STAB2: variants seen among roughly 807,000 people sequenced by gnomAD.
STAB2 encodes stabilin-2.
STAB2 carries 288 observed loss-of-function variants against 338.1 expected under a neutral mutation model. The ratio of observed to expected loss-of-function variants is 0.85; its 90% confidence interval spans 0.77 to 0.94. The LOEUF (loss-of-function observed/expected upper bound fraction) is 0.94, where lower values mean the gene tolerates loss of function less well. STAB2 is among the 40% of genes least tolerant of loss of function. The pLI, the probability that STAB2 is intolerant of heterozygous loss-of-function variation, is 0.00. For synonymous variants in STAB2, 1,202 were observed against 1,193.3 expected (o/e 1.01, Z -0.15); for missense variants, 3,141 against 3,210.1 (o/e 0.98, Z 0.52).
At chr12:103,716,972 C>G (rs146247232) in intron 43 of STAB2, among the ~76,000 whole-genome samples, 1 of 152,126 alleles carries the variant, frequency 6.6e-6, no homozygotes, top group Admixed American at 6.5e-5. Flanking sequence ...GGAAGAGAAA[C>G]GGGAAAACCT....
chr12:103,761,332 T>G lies in STAB2; in HGVS notation c.7281T>G (p.Ile2427Met). 1.2e-6 allele frequency: 2 copies of G among 1,614,072 alleles called. No individual in the cohort carries two copies. The highest frequency in any genetic ancestry group is 2.2e-5 in the South Asian group (2 of 91,066). The change falls in exon 66 of 69, where the codon ATT (isoleucine) becomes ATG (methionine). Residue 2427 changes from isoleucine (I) to methionine (M), a missense_variant. Physicochemically the swap from Ile to Met is conservative, Grantham distance 10. Coordinates refer to ENST00000388887, the MANE Select transcript of STAB2 (RefSeq NM_017564.10). ...TETRFVDGRA[I>M]LQWDIFASNG... Reference sequence around the variant, plus strand: ...CCAGGTTTGTTGATGGAAGAGCCATTCTGCAGTGGGACATCTTTGCCTCCA... The same window carrying G: ...CCAGGTTTGTTGATGGAAGAGCCATGCTGCAGTGGGACATCTTTGCCTCCA...
intron 45 of STAB2, among the ~76,000 whole-genome samples, chr12:103,725,830 T>A (rs1038366657): frequency 4.6e-5 from 7 of 152,264 alleles, no homozygotes; most frequent in South Asian, 2.1e-4. Flanking sequence ...TGATTTTTTT[T>A]AAATATTTGA....
At chr12:103,731,284 CAT>C (rs1432832891) in intron 49 of STAB2, among the ~76,000 whole-genome samples, 6 of 152,140 alleles carry the variant, frequency 3.9e-5, no homozygotes, top group Non-Finnish European at 8.8e-5. Flanking sequence ...GCTGCCACCT[CAT>C]ATTATTTCTT....
chr12:103,611,913 C>T (rs1483614599), intron 3 of STAB2, among the ~76,000 whole-genome samples: 2 of 152,150 alleles, frequency 1.3e-5, no homozygotes, highest in Non-Finnish European at 2.9e-5. Flanking sequence ...ATTTGCTTGT[C>T]TGTAAAGGAT....
chr12:103,638,286 C>T (rs1029274936), intron 8 of STAB2, 74 bp downstream of exon 8: 2 of 1,477,258 alleles, frequency 1.4e-6, no homozygotes, highest in Non-Finnish European at 1.8e-6. Context: ...TATCATTTGT[C>T]TTCTATGCCA....
intron 63 of STAB2, 134 bp from the exon 64 acceptor site, chr12:103,758,036 G>A: frequency 7.5e-7 from 1 of 1,326,974 alleles, no homozygotes; most frequent in Admixed American, 2.2e-5. Context: ...AGAAGACACA[G>A]CAAAGGAGCA....
chr12:103,742,105 A>T (rs1289786660), intron 55 of STAB2, among the ~76,000 whole-genome samples: 1 of 152,116 alleles, frequency 6.6e-6, no homozygotes, highest in African/African-American at 2.4e-5. Flanking sequence ...CATCATTTAG[A>T]TCTAAGAAAA....
rs199919399 is a variant in STAB2, at chr12:103,658,545, A to G, written c.1735-1786A>G. Among the ~76,000 whole-genome samples the G allele has an allele frequency of 1.1e-4, 17 of 152,258 alleles. No homozygotes were observed. The East Asian group carries it at 3.1e-3, about 28-fold the overall frequency. On this transcript the variant is annotated intron_variant, in intron 15 of 68. Transcript: ENST00000388887. ...TGAAAGTGGATTATCTCATTGCTAAATGCTTTCCTATAGAAGCATCAGAAG... is the reference window on the plus strand; with the variant it reads ...TGAAAGTGGATTATCTCATTGCTAAGTGCTTTCCTATAGAAGCATCAGAAG...
chr12:103,706,342 A>T (rs1879344622), intron 37 of STAB2, among the ~76,000 whole-genome samples: 1 of 152,144 alleles, frequency 6.6e-6, no homozygotes, highest in African/African-American at 2.4e-5. Flanking sequence ...GAACTGCAAA[A>T]GATTGGTTTG....
intron 20 of STAB2, 180 bp from the exon 21 acceptor site, chr12:103,669,361 A>T: frequency 1.7e-6 from 1 of 599,252 alleles, no homozygotes; most frequent in African/African-American, 1.8e-5. Flanking sequence ...GGGGCTCAGT[A>T]GAGTTGTGGT....
intron 25 of STAB2, 95 bp downstream of exon 25, chr12:103,677,706 C>T (rs938596484): frequency 5.5e-6 from 8 of 1,448,830 alleles, no homozygotes; most frequent in African/African-American, 1.4e-5. Context: ...CTAGAACTTA[C>T]TGCAGCTTTT....
At chr12:103,616,432 G>A (rs1472522984) in intron 3 of STAB2, among the ~76,000 whole-genome samples, 1 of 152,228 alleles carries the variant, frequency 6.6e-6, no homozygotes, top group Non-Finnish European at 1.5e-5. Context: ...TAGTCTGTTT[G>A]GCTGCATGGA....
At chr12:103,613,652 C>T (rs769601399) in intron 3 of STAB2, among the ~76,000 whole-genome samples, 11 of 152,254 alleles carry the variant, frequency 7.2e-5, no homozygotes, top group African/African-American at 1.9e-4. Context: ...GGCAATGCCT[C>T]GCCCTGCTTC....
chr12:103,673,115 T>C (rs924659040), intron 22 of STAB2, among the ~76,000 whole-genome samples: 1 of 152,190 alleles, frequency 6.6e-6, no homozygotes, highest in Admixed American at 6.5e-5. Flanking sequence ...TGGTTTGATG[T>C]GATAGAGTGA....
chr12:103,766,475 G>GGGGTTGTTTCTGT lies in STAB2; in HGVS notation c.*144_*156dup. Reference sequence around the variant, plus strand: ...ATACCTCATCTCTCTGGCTGATCTGGGGGTTGTTTCTGTGGGTGAGAGATG... The same window carrying GGGGTTGTTTCTGT: ...ATACCTCATCTCTCTGGCTGATCTGGGGGTTGTTTCTGTGGGTTGTTTCTGTGGGTGAGAGATG... On this transcript the variant is annotated 3_prime_UTR_variant, in exon 69 of 69. Transcript: ENST00000388887. 2.0e-6 allele frequency: 2 copies of GGGGTTGTTTCTGT among 1,013,102 alleles called. No individual in the cohort carries two copies. The highest frequency in any genetic ancestry group is 1.7e-5 in the South Asian group (1 of 59,978). 62.8% of individuals were successfully genotyped at this position (1,013,102 alleles called of 1,614,324 possible).
rs921547425 is a variant in STAB2 at position 103,726,307 on chromosome 12, G to A, written c.4851+144G>A. ...AGTTCGAGACCAGTCTGGGGAACAT[G>A]GCAAAACCCCGTCTCTTTTAAAAAT... On this transcript the variant is annotated intron_variant, in intron 46 of 68. Transcript: ENST00000388887. 15 of 723,412 alleles carry A rather than the reference G, an allele frequency of 2.1e-5. No individual in the cohort carries two copies. In the African/African-American group the frequency reaches 2.5e-4, roughly 12 times the overall value. The allele number at this position is 723,412 out of a possible 1,614,324, so 44.8% of individuals were successfully genotyped here.
chr12:103,677,372 T>C, intron 24 of STAB2, 81 bp from the exon 25 acceptor site: 2 of 1,490,666 alleles, frequency 1.3e-6, no homozygotes, highest in Non-Finnish European at 1.8e-6. Context: ...GGAACATATG[T>C]CTGGAAATTC....
At chr12:103,718,038 C>A (rs1302230782) in intron 44 of STAB2, among the ~76,000 whole-genome samples, 197 bp downstream of exon 44, 3 of 152,146 alleles carry the variant, frequency 2.0e-5, no homozygotes, top group African/African-American at 4.8e-5. Context: ...TCTGCTACCC[C>A]CAGCCTGCCC....
At chr12:103,597,151 G>A (rs545935907) in intron 3 of STAB2, among the ~76,000 whole-genome samples, 2 of 152,062 alleles carry the variant, frequency 1.3e-5, no homozygotes, top group African/African-American at 4.8e-5. Flanking sequence ...GTCTCGAAAG[G>A]CTTCCTTCCT....
Sources: gnomAD v4.1 joint callset for allele counts (sites outside exome capture counted in the v4.1 genomes callset) on GRCh38, gnomAD v4.1.1 for gene constraint, MANE v1.5 for transcripts, NCBI Gene and HGNC (gene_info 2026-07-23, HGNC 2026-07-21) for gene names.